The following INVS variants were observed in gnomAD, a reference collection of about 807,000 sequenced individuals.
INVS encodes the protein inversion of embryo turning homolog.
INVS carries 86 observed loss-of-function variants against 108.8 expected under a neutral mutation model. The ratio of observed to expected loss-of-function variants is 0.79; its 90% CI spans 0.66 to 0.95. The LOEUF is 0.95. Ranked by LOEUF, INVS falls within the 40% of genes least tolerant of loss-of-function variation. INVS has a pLI of 0.00. For synonymous variants in INVS, 455 were observed against 473.5 expected (o/e 0.96, Z 0.51); for missense variants, 1,169 against 1,297.4 (o/e 0.90, Z 1.52).
At position 100,242,592 on chromosome 9, in the gene INVS, C is replaced by A; in HGVS notation, c.819C>A (p.Leu273=). 2.5e-6 allele frequency: 4 copies of A among 1,606,692 alleles called. No individual in the cohort carries two copies. Among genetic ancestry groups the A allele is most frequent in the Non-Finnish European group, 3.4e-6 (4 of 1,173,348 alleles). ...ALLGHAQIVH[L]LLERNKSGTI... ...CAGGCCATGCACAGATTGTCCATCT[C>A]CTTTTAGAAAGAAATAAGTCTGGAA... The change falls in exon 7 of 17, where the codon CTC becomes CTA. Residue 273 remains leucine (L), a synonymous_variant. Coordinates refer to ENST00000262457, the MANE Select transcript of INVS (RefSeq NM_014425.5).
chr9:100,298,433 G>A (rs2118788150), intron 16 of INVS: 2 of 638,876 alleles, frequency 3.1e-6, no homozygotes, highest in Non-Finnish European at 3.9e-6. Context: ...AGGCTCAGCT[G>A]TGCGTGCTTT....
chr9:100,240,301 C>T, intron 6 of INVS, 61 bp downstream of exon 6: 2 of 1,278,608 alleles, frequency 1.6e-6, no homozygotes, highest in Non-Finnish European at 2.3e-6. Context: ...TATTTCTGTG[C>T]CTTCCCTTCC....
At chr9:100,255,009 A>G (rs1219491113) in intron 10 of INVS, among the ~76,000 whole-genome samples, 1 of 152,142 alleles carries the variant, frequency 6.6e-6, no homozygotes, top group Non-Finnish European at 1.5e-5. Context: ...ATGTTGGGCA[A>G]TATGGCCATT....
intron 3 of INVS, among the ~76,000 whole-genome samples, chr9:100,209,076 G>A (rs974005459): frequency 5.9e-5 from 9 of 152,050 alleles, no homozygotes; most frequent in African/African-American, 7.2e-5. Context: ...TTATTACACC[G>A]TACTGCCTCC....
intron 3 of INVS, among the ~76,000 whole-genome samples, chr9:100,176,822 A>G (rs1225552480): frequency 6.6e-6 from 1 of 152,114 alleles, no homozygotes; most frequent in Non-Finnish European, 1.5e-5. Flanking sequence ...ATTAAGCTGT[A>G]ACATACTTCA....
At chr9:100,209,626 C>T (rs1830772576) in intron 3 of INVS, among the ~76,000 whole-genome samples, 3 of 151,838 alleles carry the variant, frequency 2.0e-5, no homozygotes, top group South Asian at 2.1e-4. Context: ...AAAAATTAGC[C>T]GGGCGTGGTG....
intron 3 of INVS, among the ~76,000 whole-genome samples, chr9:100,133,500 T>C (rs1165645908): frequency 6.6e-6 from 1 of 152,144 alleles, no homozygotes; most frequent in Non-Finnish European, 1.5e-5. Flanking sequence ...TGTTGAAACA[T>C]GTAGCCCTAT....
intron 3 of INVS, among the ~76,000 whole-genome samples, chr9:100,149,716 A>G (rs1164158526): frequency 2.0e-5 from 3 of 152,194 alleles, no homozygotes; most frequent in African/African-American, 7.2e-5. Context: ...GGTAAAATGT[A>G]TAGTCACTAG....
intron 5 of INVS, among the ~76,000 whole-genome samples, chr9:100,231,207 T>C (rs1179060378): frequency 6.6e-6 from 1 of 152,136 alleles, no homozygotes; most frequent in Admixed American, 6.5e-5. Context: ...ACACACAAAT[T>C]AGACTTTAAA....
chr9:100,259,011 A>G (rs1008594725), intron 10 of INVS, among the ~76,000 whole-genome samples: 1 of 151,448 alleles, frequency 6.6e-6, no homozygotes, highest in Non-Finnish European at 1.5e-5. Flanking sequence ...TCCTGCCCCC[A>G]GAGGTGGAGT....
At chr9:100,197,429 A>C (rs760531055) in intron 3 of INVS, among the ~76,000 whole-genome samples, 8 of 152,190 alleles carry the variant, frequency 5.3e-5, no homozygotes, top group Non-Finnish European at 1.2e-4. Flanking sequence ...TAAATAAAAT[A>C]GAAAAAAGAA....
chr9:100,130,258 T>C (rs1237959295), intron 3 of INVS: 1 of 152,102 alleles, frequency 6.6e-6, no homozygotes, highest in Non-Finnish European at 1.5e-5. Flanking sequence ...CCCTATGCAT[T>C]TCTGTTTTTT....
At chr9:100,113,632 G>A (rs925118440) in intron 2 of INVS, among the ~76,000 whole-genome samples, 2 of 151,904 alleles carry the variant, frequency 1.3e-5, no homozygotes, top group African/African-American at 4.8e-5. Context: ...TGTGTTTATG[G>A]GGGTGGAGTG....
At chr9:100,100,863 TATATATATTATATATGTATATATA>T (rs1564112034) in intron 1 of INVS, among the ~76,000 whole-genome samples, 3 of 5,474 alleles carry the variant, frequency 5.5e-4, no homozygotes, top group African/African-American at 1.6e-3. Context: ...GTATATATAA[TATATATATTATATATGTATATATA>T]ATATATATTA....
At chr9:100,159,569 A>G (rs1829104114) in intron 3 of INVS, among the ~76,000 whole-genome samples, 1 of 152,220 alleles carries the variant, frequency 6.6e-6, no homozygotes, top group Admixed American at 6.5e-5. Flanking sequence ...CCTATTTGCT[A>G]GAACACACTA....
intron 3 of INVS, among the ~76,000 whole-genome samples, chr9:100,188,763 T>C (rs967237369): frequency 4.6e-5 from 7 of 152,092 alleles, no homozygotes; most frequent in Non-Finnish European, 1.0e-4. Context: ...GTAATATTGA[T>C]ACCAATTTTT....
rs558838641 is a variant in INVS, at chr9:100,229,922, C to T, written c.615+95C>T. The T allele has an allele frequency of 6.5e-4, 776 of 1,190,606 alleles. 6 individuals carry two copies. The East Asian group carries it at 0.019, about 28-fold the overall frequency. The allele number at this position is 1,190,606 out of a possible 1,614,324, so 73.8% of individuals were successfully genotyped here. On this transcript the variant is annotated intron_variant, in intron 5 of 16. Transcript: ENST00000262457. ...CAAAAGTGTATATTTGACGTACAAGCAAATTATTAAGCAAAAGAATACAAC... is the reference window on the plus strand; with the variant it reads ...CAAAAGTGTATATTTGACGTACAAGTAAATTATTAAGCAAAAGAATACAAC...
intron 3 of INVS, among the ~76,000 whole-genome samples, chr9:100,208,205 G>C (rs549360093): frequency 6.6e-6 from 1 of 152,322 alleles, no homozygotes; most frequent in East Asian, 1.9e-4. Flanking sequence ...CTTGCAGATG[G>C]AGGTATGTTT....
At chr9:100,143,996 A>C (rs1828519566) in intron 3 of INVS, among the ~76,000 whole-genome samples, 1 of 152,164 alleles carries the variant, frequency 6.6e-6, no homozygotes, top group Non-Finnish European at 1.5e-5. Flanking sequence ...GGAGTCACTC[A>C]GAGAGCCTTG....
Sources: gnomAD v4.1 joint callset for allele counts (sites outside exome capture counted in the v4.1 genomes callset) on GRCh38, gnomAD v4.1.1 for gene constraint, MANE v1.5 for transcripts, NCBI Gene and HGNC (gene_info 2026-07-23, HGNC 2026-07-21) for gene names.